The following SNX12 variants were observed in gnomAD, a reference collection of about 807,000 sequenced individuals.
SNX12 encodes the protein sorting nexin-12.
For missense variants in SNX12, 62 were observed against 141.3 expected (o/e 0.44, Z 2.84); for synonymous variants, 47 against 56.0 (o/e 0.84, Z 0.71).
intron 3 of SNX12, 144 bp from the exon 4 acceptor site, chrX:71,061,262 C>A: frequency 4.2e-6 from 2 of 474,294 alleles, no homozygotes; most frequent in African/African-American, 4.7e-5. Flanking sequence ...ACCACCTCAA[C>A]CCTAATATTG....
At chrX:71,071,510 TATTA>T (rs1209597285), upstream of SNX12, among the ~76,000 whole-genome samples, 3 of 55,019 alleles carry the variant, frequency 5.5e-5, no homozygotes, top group Admixed American at 1.2e-3. Flanking sequence ...TATATTTATA[TATTA>T]ATTTATATAT....
At chrX:71,071,604 T>TATATAAATATATAATATTTATATATTA (rs1556315657), upstream of SNX12, among the ~76,000 whole-genome samples, 1 of 32,081 alleles carries the variant, frequency 3.1e-5, no homozygotes, top group Non-Finnish European at 5.0e-5. Flanking sequence ...TTTATATATA[T>TATATAAATATATAATATTTATATATTA]TATATATAAA....
At chrX:71,071,661 A>T (rs1569477501), upstream of SNX12, among the ~76,000 whole-genome samples, 4 of 63,364 alleles carry the variant, frequency 6.3e-5, no homozygotes, top group South Asian at 2.4e-3. Context: ...ATCATTATAT[A>T]TAATTATTTA....
chrX:71,061,144 A>T, intron 3 of SNX12, 26 bp from the exon 4 acceptor site: 1 of 1,101,683 alleles, frequency 9.1e-7, no homozygotes, highest in Non-Finnish European at 1.3e-6. Flanking sequence ...GATGGTTATC[A>T]GTAGTATTCA....
chrX:71,072,159 G>A (rs2092175767), upstream of SNX12, among the ~76,000 whole-genome samples: 1 of 109,668 alleles, frequency 9.1e-6, no homozygotes, highest in African/African-American at 3.3e-5. Context: ...TTGGGAGGCC[G>A]AGGCAGGAGA....
At position 71,061,034 on chromosome X, in the gene SNX12, C is replaced by T. The variant is rs774880386; in HGVS notation, c.471G>A (p.Pro157=). ...QEEAIDRNYV[P]GKVRQ ...GGGGCTCCTACTGGCGCACCTTCCC[C>T]GGGACGTAGTTCCTGTCAATTGCCT... Residue 157 remains proline (P), a synonymous_variant, in exon 4 of 4, where the codon CCG becomes CCA. Transcript: ENST00000374274. The T allele has an allele frequency of 8.3e-6, 10 of 1,205,491 alleles. No homozygotes were observed. Among genetic ancestry groups the T allele is most frequent in the African/African-American group, 7.0e-5 (4 of 57,078 alleles).
At chrX:71,071,565 T>TCATATATTTATATTTA (rs1569477461), upstream of SNX12, among the ~76,000 whole-genome samples, 17 of 53,454 alleles carry the variant, frequency 3.2e-4, no homozygotes, top group Admixed American at 3.7e-3. Context: ...TATATAATAT[T>TCATATATTTATATTTA]TATATATTAT....
At chrX:71,068,711 G>A (rs1462603674), upstream of SNX12, among the ~76,000 whole-genome samples, 1 of 112,892 alleles carries the variant, frequency 8.9e-6, no homozygotes, top group Non-Finnish European at 1.9e-5. Flanking sequence ...GGCTCCTACA[G>A]TGATAGGCCG....
Position 71,061,092 on chromosome X carries a change from T to C in SNX12, c.413A>G (p.Asn138Ser). 1 of 1,209,233 alleles carries C rather than the reference T, an allele frequency of 8.3e-7. No homozygotes were observed. The highest frequency in any genetic ancestry group is 2.3e-4 in the Middle Eastern group (1 of 4,353). ...CAGGAACATGTGTAGGCAGCGTTCA[T>C]TCTGAGCCAGTGGGTGCCCAGCAAT... ...NKIAGHPLAQ[N>S]ERCLHMFLQE... Residue 138 changes from asparagine (N) to serine (S), a missense_variant, in exon 4 of 4, where the codon AAT becomes AGT. By Grantham distance (46) the Asn-to-Ser change is conservative. Coordinates refer to ENST00000374274, the MANE Select transcript of SNX12 (RefSeq NM_013346.4).
chrX:71,060,857 G>A lies in SNX12; in HGVS notation c.*159C>T, dbSNP rs767183677. 167 of 296,807 alleles carry A rather than the reference G, an allele frequency of 5.6e-4. No individual in the cohort carries two copies. The highest frequency in any genetic ancestry group is 4.4e-3 in the African/African-American group (146 of 33,295). The allele number at this position is 296,807 out of a possible 1,213,427, so 24.5% of individuals were successfully genotyped here. On this transcript the variant is annotated 3_prime_UTR_variant, in exon 4 of 4. Transcript: ENST00000374274. ...TCAGAGAAGAGGATCCTAGCAGAGT[G>A]CCCACATGGTGTAGTCAGGTACCAG...
At chrX:71,072,845 A>T (rs2092177016), upstream of SNX12, among the ~76,000 whole-genome samples, 1 of 110,753 alleles carries the variant, frequency 9.0e-6, no homozygotes, top group Admixed American at 9.7e-5. Flanking sequence ...AGGACAGTAG[A>T]GGGTACTGGG....
chrX:71,067,879 C>T (rs2092159399), intron 1 of SNX12, among the ~76,000 whole-genome samples: 1 of 110,445 alleles, frequency 9.1e-6, no homozygotes, highest in Admixed American at 9.7e-5. Flanking sequence ...TTTTTCCATC[C>T]ACCCCACCCT....
chrX:71,070,402 TGATTA>T (rs2092168862), upstream of SNX12, among the ~76,000 whole-genome samples: 1 of 111,513 alleles, frequency 9.0e-6, no homozygotes, highest in Non-Finnish European at 1.9e-5. Flanking sequence ...GACTTGTACG[TGATTA>T]GATATGGTGG....
At position 71,062,705 on chromosome X, in the gene SNX12, C is replaced by T. The variant is rs1002341118; in HGVS notation, c.261+149G>A. 3.7e-5 allele frequency: 16 copies of T among 436,881 alleles called. No homozygotes were observed. In the East Asian group the frequency reaches 5.7e-4, roughly 16 times the overall value. The allele number at this position is 436,881 out of a possible 1,213,427, so 36.0% of individuals were successfully genotyped here. A position where few individuals can be genotyped will look rare whatever the true frequency, so the allele number is the denominator to read the frequency against. On this transcript the variant is annotated intron_variant, in intron 2 of 3. Coordinates refer to ENST00000374274, the MANE Select transcript of SNX12 (RefSeq NM_013346.4). ...ACCACTTTCAAGTTTCAAAAGGTAT[C>T]CCCCCGATCTAAAATACTGAGATTT... is the stretch of plus-strand genomic sequence containing the variant.
intron 1 of SNX12, 32 bp downstream of exon 1, chrX:71,068,109 TC>T (rs2092161181): frequency 9.1e-6 from 8 of 882,082 alleles, no homozygotes; most frequent in Non-Finnish European, 1.2e-5. Flanking sequence ...CGCCCGGTCC[TC>T]CCTCAGCTGT....
At chrX:71,062,080 A>G (rs2092133517) in intron 2 of SNX12, 113 bp from the exon 3 acceptor site, 3 of 693,470 alleles carry the variant, frequency 4.3e-6, no homozygotes, top group African/African-American at 2.2e-5. Context: ...CCTGTCCCAC[A>G]GCCAGCAACT....
chrX:71,062,300 TACA>T (rs2147694287), intron 2 of SNX12, among the ~76,000 whole-genome samples: 1 of 109,882 alleles, frequency 9.1e-6, no homozygotes, highest in South Asian at 3.9e-4. Context: ...AATTAAGTTG[TACA>T]ACTTTACTAG....
intron 1 of SNX12, among the ~76,000 whole-genome samples, 170 bp from the exon 2 acceptor site, chrX:71,063,119 C>T (rs1023699667): frequency 8.9e-6 from 1 of 111,896 alleles, no homozygotes; most frequent in African/African-American, 3.3e-5. Context: ...CACATCCAAC[C>T]TTATCATAGC....
chrX:71,070,664 G>A (rs1004672776), upstream of SNX12, among the ~76,000 whole-genome samples: 10 of 111,832 alleles, frequency 8.9e-5, no homozygotes, highest in Admixed American at 3.8e-4. Flanking sequence ...AGAGATATGA[G>A]AGTCATCAGC....
Sources: gnomAD v4.1 joint callset for allele counts (sites outside exome capture counted in the v4.1 genomes callset) on GRCh38, gnomAD v4.1.1 for gene constraint, MANE v1.5 for transcripts, NCBI Gene and HGNC (gene_info 2026-07-23, HGNC 2026-07-21) for gene names.